DEPDC1: variants seen among roughly 807,000 people sequenced by gnomAD.
DEPDC1 encodes the protein DEP domain-containing protein 1A.
DEPDC1 carries 66 observed loss-of-function variants against 86.8 expected under a neutral mutation model. That is an observed-to-expected ratio of 0.76 (90% confidence interval 0.62 to 0.93). DEPDC1 has a LOEUF of 0.93. Among genes scored for constraint, DEPDC1 ranks in the 40% least tolerant of loss-of-function variants. DEPDC1 has a pLI of 0.00. For synonymous variants in DEPDC1, 255 were observed against 314.9 expected (o/e 0.81, Z 2.02); for missense variants, 792 against 935.7 (o/e 0.85, Z 2.00).
chr1:68,481,039 T>C (rs1646151771), intron 9 of DEPDC1, among the ~76,000 whole-genome samples: 2 of 152,024 alleles, frequency 1.3e-5, no homozygotes, highest in Admixed American at 1.3e-4. Flanking sequence ...TCTGAAACAC[T>C]GACTTACTGT....
chr1:68,477,786 C>A lies in DEPDC1; in HGVS notation c.2298+1G>T. The A allele has an allele frequency of 6.7e-7, 1 of 1,494,294 alleles. No homozygotes were observed. Among genetic ancestry groups the A allele is most frequent in the South Asian group, 1.4e-5 (1 of 69,410 alleles). The allele number at this position is 1,494,294 out of a possible 1,614,324, so 92.6% of individuals were successfully genotyped here. A position where few individuals can be genotyped will look rare whatever the true frequency, so the allele number is the denominator to read the frequency against. ...GATTGAGAACTTGCTCATTCTCTTA[C>A]CTGTTTTAGTTTTTTTCTTTTCTCC... On this transcript the variant is annotated splice_donor_variant, in intron 11 of 11. Transcript: ENST00000456315. LOFTEE classifies it high-confidence loss of function.
intron 2 of DEPDC1, among the ~76,000 whole-genome samples, chr1:68,493,876 T>C (rs1310456444): frequency 6.6e-6 from 1 of 152,096 alleles, no homozygotes; most frequent in African/African-American, 2.4e-5. Flanking sequence ...TTTTTGTATT[T>C]TTAGTAGAGA....
chr1:68,493,234 C>T (rs576107116), intron 2 of DEPDC1, among the ~76,000 whole-genome samples: 1 of 152,140 alleles, frequency 6.6e-6, no homozygotes, highest in South Asian at 2.1e-4. Context: ...TTGTAGTTTA[C>T]TTGTATGACA....
Position 68,496,876 on chromosome 1 carries a change from C to CGGTCGAGGTAAAACTGCGAAG in DEPDC1, c.48+75_48+76insCTTCGCAGTTTTACCTCGACC. 1 of 1,474,392 alleles carries CGGTCGAGGTAAAACTGCGAAG rather than the reference C, an allele frequency of 6.8e-7. No individual in the cohort carries two copies. The highest frequency in any genetic ancestry group is 9.4e-7 in the Non-Finnish European group (1 of 1,064,262). 91.3% of individuals were successfully genotyped at this position (1,474,392 alleles called of 1,614,324 possible). ...CCTCCGACCGAGGTAAAACTGCGAA[C>CGGTCGAGGTAAAACTGCGAAG]GGTCGAGGTAAAACTGCGAACAGTG... On this transcript the variant is annotated intron_variant, in intron 1 of 11. Transcript: ENST00000456315. The surrounding 1 kb of genome is among the most constrained non-coding windows in gnomAD (Gnocchi z 4.0).
rs1646111464 is a variant in DEPDC1, at chr1:68,475,876, A to C, written c.*1056T>G. ...TCACAGTTGGCTGAATATTGGAATC[A>C]CCTAGATTAAAAAAAATACTAATCC... On this transcript the variant is annotated 3_prime_UTR_variant, in exon 12 of 12. Transcript: ENST00000456315. The C allele has an allele frequency of 6.6e-6, 1 of 151,914 alleles. No individual in the cohort carries two copies. The highest frequency in any genetic ancestry group is 1.5e-5 in the Non-Finnish European group (1 of 67,842). The allele number at this position is 151,914 out of a possible 1,614,324, so 9.4% of individuals were successfully genotyped here.
At chr1:68,481,327 A>C in intron 9 of DEPDC1, 113 bp downstream of exon 9, 1 of 960,360 alleles carries the variant, frequency 1.0e-6, no homozygotes, top group Non-Finnish European at 1.5e-6. Context: ...TTCCAACCTA[A>C]GAATCTAGCA....
In DEPDC1 at chr1:68,482,688, C is replaced by T; in HGVS notation, c.1120G>A (p.Glu374Lys). ...RLQISNPGFQ[E>K]RCAKKMQLVN... is the part of the protein sequence containing the mutation. The stretch of plus-strand genomic sequence containing the variant: ...AGCTGCATTTTCTTAGCACATCTTT[C>T]TTGAAATCCTGGATTGCTTATCTGT... The change falls in exon 8 of 12, where the codon GAA becomes AAA. Residue 374 changes from glutamate to lysine, a missense_variant. Physicochemically the swap from Glu to Lys is moderately conservative, Grantham distance 56. Transcript: ENST00000456315. 6.2e-7 allele frequency: 1 copy of T among 1,612,452 alleles called. No homozygotes were observed. Among genetic ancestry groups the T allele is most frequent in the South Asian group, 1.1e-5 (1 of 90,926 alleles).
chr1:68,477,884 T>G lies in DEPDC1; in HGVS notation c.2201A>C (p.Lys734Thr), dbSNP rs1646127843. 6.3e-7 allele frequency: 1 copy of G among 1,590,180 alleles called. No homozygotes were observed. The highest frequency in any genetic ancestry group is 8.6e-7 in the Non-Finnish European group (1 of 1,167,636). Residue 734 changes from lysine (K) to threonine (T), a missense_variant, in exon 11 of 12, where the codon AAA (lysine) becomes ACA (threonine). Coordinates refer to ENST00000456315, the MANE Select transcript of DEPDC1 (RefSeq NM_001114120.3). ...AATTGCAGCTTGAGAGGTAGAAACT[T>G]TTTGCTCATCAAACTCCTGAGCACT... The part of the protein sequence containing the change: ...QISAQEFDEQ[K>T]VSTSQAAIAE...
rs1374770606 is a variant in DEPDC1, at chr1:68,496,094, G to T, written c.48+858C>A. Among the ~76,000 whole-genome samples the T allele has an allele frequency of 3.3e-5, 5 of 152,090 alleles. No individual in the cohort carries two copies. The highest frequency in any genetic ancestry group is 2.9e-5 in the Non-Finnish European group (2 of 68,012). On this transcript the variant is annotated intron_variant, in intron 1 of 11. Transcript: ENST00000456315. This position sits in a 1 kb window ranked among gnomAD's most constrained non-coding sequence, Gnocchi z 4.0. ...ACTTGCTGTTGATGTGACTCTAGAG[G>T]GCATTTAACGTCTGTGAGCCTCAGT...
intron 6 of DEPDC1, 151 bp from the exon 7 acceptor site, chr1:68,484,241 A>G: frequency 1.9e-6 from 1 of 520,990 alleles, no homozygotes; most frequent in Non-Finnish European, 3.2e-6. Context: ...GGTGTATTTC[A>G]TTCTTCCTCA....
At chr1:68,492,701 G>A (rs1557623051) in intron 2 of DEPDC1, among the ~76,000 whole-genome samples, 2 of 152,028 alleles carry the variant, frequency 1.3e-5, no homozygotes, top group Non-Finnish European at 2.9e-5. Context: ...TAAAACAAAA[G>A]CAAAACAAAT....
At chr1:68,478,123 T>C (rs541236915) in intron 10 of DEPDC1, 151 bp from the exon 11 acceptor site, 17 of 468,158 alleles carry the variant, frequency 3.6e-5, no homozygotes, top group Non-Finnish European at 5.7e-5. Context: ...TAGAGGTATG[T>C]AAGTCAGTAG....
intron 6 of DEPDC1, among the ~76,000 whole-genome samples, chr1:68,485,978 G>T (rs1255784079): frequency 2.0e-5 from 3 of 151,934 alleles, no homozygotes; most frequent in Non-Finnish European, 4.4e-5. Context: ...TTATATCTTT[G>T]TACATTTAAA....
intron 2 of DEPDC1, among the ~76,000 whole-genome samples, chr1:68,490,761 T>C (rs1373001042): frequency 6.6e-6 from 1 of 152,086 alleles, no homozygotes; most frequent in Non-Finnish European, 1.5e-5. Flanking sequence ...GCTGGAGGCA[T>C]CATGCTACCA....
rs756269830 is a variant in DEPDC1, at chr1:68,496,915, GC to G, written c.48+36del. The G allele has an allele frequency of 6.2e-7, 1 of 1,605,630 alleles. No homozygotes were observed. The highest frequency in any genetic ancestry group is 1.1e-5 in the South Asian group (1 of 90,630). On this transcript the variant is annotated intron_variant, in intron 1 of 11. Coordinates refer to ENST00000456315, the MANE Select transcript of DEPDC1 (RefSeq NM_001114120.3). This position sits in a 1 kb window ranked among gnomAD's most constrained non-coding sequence, Gnocchi z 4.0. ...CTGCGAACAGTGGTGACTGCCGTCA[GC>G]CCGCTGACCGGTCCCGTCTATCCGA...
rs377219734 is a variant in DEPDC1, at chr1:68,484,023, G to A, written c.837C>T (p.Ile279=). The change falls in exon 7 of 12, where the codon ATC becomes ATT. Residue 279 remains isoleucine (I), a synonymous_variant. Transcript: ENST00000456315. ...VGFERDVFRT[I]ADYFLDLPEP... is the part of the protein sequence containing the mutation. ...CAGGGAGATCTAGAAAATAATCTGC[G>A]ATTGTTCTGAATACATCTCGTTCAA... The A allele has an allele frequency of 2.5e-5, 40 of 1,580,234 alleles. No homozygotes were observed. Among genetic ancestry groups the A allele is most frequent in the African/African-American group, 4.1e-5 (3 of 73,304 alleles).
Position 68,497,027 on chromosome 1 carries a change from TGGC to T in DEPDC1, c.-31_-29del. 1 of 1,610,730 alleles carries T rather than the reference TGGC, an allele frequency of 6.2e-7. No individual in the cohort carries two copies. The highest frequency in any genetic ancestry group is 8.5e-7 in the Non-Finnish European group (1 of 1,178,044). On this transcript the variant is annotated 5_prime_UTR_variant, in exon 1 of 12. Transcript: ENST00000456315. ...GTCTGTCAGCGCCCGGTGGCGTCCATGGCGGCGAAGGCGACACTCAGGCCCAGC... is the reference window on the plus strand; with the variant it reads ...GTCTGTCAGCGCCCGGTGGCGTCCATGGCGAAGGCGACACTCAGGCCCAGC...
rs1038276654 is a variant in DEPDC1, at chr1:68,496,103, C to T, written c.48+849G>A. Among the ~76,000 whole-genome samples the T allele has an allele frequency of 2.0e-5, 3 of 152,142 alleles. No homozygotes were observed. Among genetic ancestry groups the T allele is most frequent in the African/African-American group, 4.8e-5 (2 of 41,418 alleles). On this transcript the variant is annotated intron_variant, in intron 1 of 11. Transcript: ENST00000456315. This position sits in a 1 kb window ranked among gnomAD's most constrained non-coding sequence, Gnocchi z 4.0. The stretch of plus-strand genomic sequence containing the variant: ...TGATGTGACTCTAGAGGGCATTTAA[C>T]GTCTGTGAGCCTCAGTGTGCACCTG...
At chr1:68,481,923 A>T in intron 8 of DEPDC1, 123 bp downstream of exon 8, 1 of 1,007,786 alleles carries the variant, frequency 9.9e-7, no homozygotes, top group Non-Finnish European at 1.4e-6. Flanking sequence ...AAGTCTTTTT[A>T]AATAATTCCT....
Sources: gnomAD v4.1 joint callset for allele counts (sites outside exome capture counted in the v4.1 genomes callset) on GRCh38, gnomAD v4.1.1 for gene constraint, Gnocchi (gnomAD v3.1) non-coding constraint, MANE v1.5 for transcripts, NCBI Gene and HGNC (gene_info 2026-07-23, HGNC 2026-07-21) for gene names.